Variants in FHIT observed in about 807,000 individuals in gnomAD.
The protein encoded by FHIT is bis(5'-adenosyl)-triphosphatase.
FHIT carries 19 observed loss-of-function variants against 17.9 expected under a neutral mutation model. The observed-to-expected ratio is 1.06, with a 90% CI of 0.74 to 1.56. FHIT has a LOEUF of 1.56. Among genes scored for constraint, FHIT ranks in the 40% most tolerant of loss-of-function variants. The probability of loss-of-function intolerance (pLI) is 0.00; values close to 1 mark genes in which losing one functional copy is unlikely to be tolerated. For missense variants in FHIT, 248 were observed against 189.2 expected (o/e 1.31, Z -1.82); for synonymous variants, 81 against 69.7 (o/e 1.16, Z -0.81).
rs543647580 is a variant in FHIT at position 61,173,689 on chromosome 3, A to G, written c.-164+26928T>C. Among the ~76,000 whole-genome samples the G allele has an allele frequency of 2.4e-4, 37 of 152,382 alleles. No homozygotes were observed. The East Asian group carries it at 4.0e-3, about 17-fold the overall frequency. On this transcript the variant is annotated intron_variant, in intron 2 of 9. Coordinates refer to ENST00000492590, the MANE Select transcript of FHIT (RefSeq NM_002012.4). ...GAGAACCTAAAGAGACTGTTAGGTT[A>G]TAAAAAAGAAAATTGAGGGATAAAT...
chr3:59,927,386 T>C (rs189112279), intron 7 of FHIT, among the ~76,000 whole-genome samples: 2 of 150,782 alleles, frequency 1.3e-5, no homozygotes, highest in Admixed American at 1.3e-4. Flanking sequence ...TTTGTGACAA[T>C]ACTAAAAGAA....
chr3:61,101,753 T>G (rs1176188657), intron 2 of FHIT, among the ~76,000 whole-genome samples: 1 of 152,194 alleles, frequency 6.6e-6, no homozygotes, highest in Non-Finnish European at 1.5e-5. Context: ...GTAGTTCTCC[T>G]TGAAGAGGTA....
intron 4 of FHIT, among the ~76,000 whole-genome samples, chr3:60,711,116 C>T (rs781916213): frequency 5.3e-5 from 8 of 152,112 alleles, no homozygotes; most frequent in Non-Finnish European, 8.8e-5. Context: ...TCACAGATCA[C>T]GAAAATCCAT....
At chr3:59,801,198 C>T (rs531612820) in intron 8 of FHIT, among the ~76,000 whole-genome samples, 1 of 151,902 alleles carries the variant, frequency 6.6e-6, no homozygotes, top group Non-Finnish European at 1.5e-5. Context: ...CTTATTTAAT[C>T]CTTATGGCAA....
rs536180016 is a variant in FHIT at position 60,618,038 on chromosome 3, G to C, written c.-17-81059C>G. 4.3e-4 allele frequency: 64 copies of C among 149,534 alleles called. 1 individual carries two copies. The highest frequency in any genetic ancestry group is 1.6e-3 in the African/African-American group (61 of 37,638). 9.3% of individuals were successfully genotyped at this position (149,534 alleles called of 1,614,324 possible). A position where few individuals can be genotyped will look rare whatever the true frequency, so the allele number is the denominator to read the frequency against. ...CATCAAGCATCACTCTTCTACTCTG[G>C]AGTTAAAAAAAAAAGATACAAAGTA... is the stretch of plus-strand genomic sequence containing the variant. On this transcript the variant is annotated intron_variant, in intron 4 of 9. Coordinates refer to ENST00000492590, the MANE Select transcript of FHIT (RefSeq NM_002012.4).
At chr3:60,201,590 C>G (rs1315829441) in intron 5 of FHIT, among the ~76,000 whole-genome samples, 1 of 152,116 alleles carries the variant, frequency 6.6e-6, no homozygotes, top group Non-Finnish European at 1.5e-5. Context: ...TAGAAAGAAA[C>G]AGAATCATTC....
intron 5 of FHIT, among the ~76,000 whole-genome samples, chr3:60,149,209 T>C (rs550630107): frequency 6.6e-6 from 1 of 152,282 alleles, no homozygotes; most frequent in South Asian, 2.1e-4. Flanking sequence ...CTTTCTGTCA[T>C]CTATGCCATA....
chr3:60,203,514 C>G (rs1056081377), intron 5 of FHIT, among the ~76,000 whole-genome samples: 27 of 152,150 alleles, frequency 1.8e-4, no homozygotes, highest in Non-Finnish European at 1.6e-4. Context: ...GAGTTTTTAT[C>G]ACTGAAAGCT....
At chr3:59,770,590 G>A (rs1228334525) in intron 8 of FHIT, among the ~76,000 whole-genome samples, 2 of 152,206 alleles carry the variant, frequency 1.3e-5, no homozygotes, top group African/African-American at 4.8e-5. Flanking sequence ...AGGAGGAACA[G>A]CTCTGCTGAC....
intron 5 of FHIT, among the ~76,000 whole-genome samples, chr3:60,497,281 A>C (rs538953805): frequency 2.0e-5 from 3 of 152,030 alleles, no homozygotes; most frequent in African/African-American, 7.3e-5. Context: ...ATAAGATGAC[A>C]GGTGGGGAAG....
At chr3:61,020,392 T>A (rs1286994460) in intron 3 of FHIT, among the ~76,000 whole-genome samples, 1 of 152,234 alleles carries the variant, frequency 6.6e-6, no homozygotes, top group East Asian at 1.9e-4. Context: ...TTGTTTGTTT[T>A]TTTCTTGTAA....
intron 7 of FHIT, among the ~76,000 whole-genome samples, chr3:59,979,947 C>G (rs1462919464): frequency 2.0e-5 from 3 of 152,122 alleles, no homozygotes; most frequent in Non-Finnish European, 4.4e-5. Context: ...ATAATAAGGT[C>G]AGCTGACAAC....
intron 4 of FHIT, among the ~76,000 whole-genome samples, chr3:60,621,588 T>TG (rs782513244): frequency 3.4e-5 from 5 of 148,288 alleles, no homozygotes; most frequent in Admixed American, 1.4e-4. Flanking sequence ...GAGCATTATG[T>TG]GAAAAAAAAA....
chr3:60,233,457 G>A (rs745793898), intron 5 of FHIT, among the ~76,000 whole-genome samples: 11 of 151,906 alleles, frequency 7.2e-5, no homozygotes, highest in Non-Finnish European at 1.3e-4. Flanking sequence ...TCCTTCAGGT[G>A]TCCACTCCAA....
intron 5 of FHIT, among the ~76,000 whole-genome samples, chr3:60,074,649 A>C (rs990403068): frequency 2.9e-5 from 3 of 103,330 alleles, no homozygotes; most frequent in African/African-American, 1.1e-4. Flanking sequence ...TACTCCTGCT[A>C]ACTGTTCCAA....
rs1408508295 is a variant in FHIT, at chr3:61,046,493, A to T, written c.-163-4394T>A. Reference sequence around the variant, plus strand: ...TAACAGGCTCTGAAATTGAGGCAATAATTCATAGCCTAGCAACCAAAAAAA... The same window carrying T: ...TAACAGGCTCTGAAATTGAGGCAATTATTCATAGCCTAGCAACCAAAAAAA... On this transcript the variant is annotated intron_variant, in intron 2 of 9. Transcript: ENST00000492590. 2.6e-5 allele frequency among the ~76,000 whole-genome samples: 4 copies of T among 152,206 alleles called. No homozygotes were observed. The South Asian group carries it at 8.3e-4, about 32-fold the overall frequency.
chr3:60,748,229 CA>C (rs1188723887), intron 4 of FHIT, among the ~76,000 whole-genome samples: 2 of 152,080 alleles, frequency 1.3e-5, no homozygotes, highest in South Asian at 2.1e-4. Context: ...CTGTTGGGGA[CA>C]AAAAAACTTT....
At chr3:60,549,572 T>A (rs1482469089) in intron 4 of FHIT, among the ~76,000 whole-genome samples, 1 of 152,180 alleles carries the variant, frequency 6.6e-6, no homozygotes, top group Non-Finnish European at 1.5e-5. Context: ...ATAGTTGATA[T>A]CCAACGGTTG....
At chr3:60,775,515 A>G (rs1700190620) in intron 4 of FHIT, among the ~76,000 whole-genome samples, 2 of 152,058 alleles carry the variant, frequency 1.3e-5, no homozygotes, top group African/African-American at 4.8e-5. Flanking sequence ...TTTTTCACCC[A>G]ATAAAACCCT....
Sources: gnomAD v4.1 joint callset for allele counts (sites outside exome capture counted in the v4.1 genomes callset) on GRCh38, gnomAD v4.1.1 for gene constraint, MANE v1.5 for transcripts, NCBI Gene and HGNC (gene_info 2026-07-23, HGNC 2026-07-21) for gene names.